Variants in CCDC198 observed in about 807,000 individuals in gnomAD.
CCDC198 encodes coiled-coil domain containing 198.
A neutral mutation model predicts 35.6 loss-of-function variants in CCDC198; 18 were observed. The ratio of observed to expected loss-of-function variants is 0.51; its 90% CI spans 0.35 to 0.75. CCDC198 has a LOEUF of 0.75. CCDC198 is among the 30% of genes least tolerant of loss of function. The probability of loss-of-function intolerance (pLI) is 0.01; values close to 1 mark genes in which losing one functional copy is unlikely to be tolerated. For missense variants in CCDC198, 365 were observed against 343.7 expected (o/e 1.06, Z -0.49); for synonymous variants, 119 against 113.4 (o/e 1.05, Z -0.31).
rs565343981 is a variant in CCDC198 at position 57,471,054 on chromosome 14, A to G, written c.*301T>C. The G allele has an allele frequency of 1.1e-5, 3 of 279,734 alleles. No homozygotes were observed. In the South Asian group the frequency reaches 1.4e-4, roughly 13 times the overall value. 17.3% of individuals were successfully genotyped at this position (279,734 alleles called of 1,614,324 possible). A position where few individuals can be genotyped will look rare whatever the true frequency, so the allele number is the denominator to read the frequency against. ...GTAGTCCAAATGTAGTCCAATTTCAATGACATGAAAGATTTCAAAAGGGAA... is the reference window on the plus strand; with the variant it reads ...GTAGTCCAAATGTAGTCCAATTTCAGTGACATGAAAGATTTCAAAAGGGAA... On this transcript the variant is annotated 3_prime_UTR_variant, in exon 6 of 6. Transcript: ENST00000216445.
intron 2 of CCDC198, among the ~76,000 whole-genome samples, chr14:57,485,276 A>T (rs2067321274): frequency 6.6e-6 from 1 of 152,106 alleles, no homozygotes; most frequent in African/African-American, 2.4e-5. Context: ...GAGTGAGAAG[A>T]GAAGAGCCAA....
chr14:57,488,127 A>G (rs531670662), intron 2 of CCDC198, among the ~76,000 whole-genome samples: 15 of 152,206 alleles, frequency 9.9e-5, no homozygotes, highest in Non-Finnish European at 2.1e-4. Flanking sequence ...ACTGTAAGAT[A>G]CAAGCTCAGG....
intron 5 of CCDC198, chr14:57,475,784 G>A (rs1274698874): frequency 5.9e-5 from 12 of 204,118 alleles, no homozygotes; most frequent in Non-Finnish European, 1.0e-4. Context: ...ACGGCACTTA[G>A]CTTCTTTTTT....
intron 5 of CCDC198, among the ~76,000 whole-genome samples, chr14:57,479,205 G>T (rs879126155): frequency 2.0e-5 from 3 of 152,262 alleles, no homozygotes; most frequent in South Asian, 4.1e-4. Flanking sequence ...AGCTAGAAAG[G>T]CTAGGTAGGC....
intron 2 of CCDC198, among the ~76,000 whole-genome samples, chr14:57,488,508 A>G (rs187603948): frequency 2.8e-4 from 43 of 152,162 alleles, no homozygotes; most frequent in Admixed American, 6.6e-4. Context: ...TTACTCATTC[A>G]TTTTACTCAC....
chr14:57,479,085 T>G, intron 5 of CCDC198: 1 of 1,174,922 alleles, frequency 8.5e-7, no homozygotes, highest in Admixed American at 2.3e-5. Context: ...CAATGTAGCG[T>G]AGAAGTTGTA....
intron 2 of CCDC198, among the ~76,000 whole-genome samples, chr14:57,488,986 G>A (rs1246683708): frequency 6.6e-6 from 1 of 152,034 alleles, no homozygotes; most frequent in Non-Finnish European, 1.5e-5. Flanking sequence ...AGACCTAGAG[G>A]CAGAAATACC....
At chr14:57,490,939 T>G in intron 2 of CCDC198, 50 bp downstream of exon 2, 1 of 1,428,072 alleles carries the variant, frequency 7.0e-7, no homozygotes, top group African/African-American at 1.4e-5. Flanking sequence ...AAAGGGATGT[T>G]ACCATTTTAT....
intron 1 of CCDC198, among the ~76,000 whole-genome samples, chr14:57,493,186 G>A (rs1000708732): frequency 5.3e-5 from 8 of 152,096 alleles, no homozygotes; most frequent in African/African-American, 1.9e-4. Flanking sequence ...TAATTTTAAT[G>A]GTCTGGCAAA....
In CCDC198 at chr14:57,483,199, T is replaced by C. The variant is rs372451421; in HGVS notation, c.307-48A>G. On this transcript the variant is annotated intron_variant, in intron 2 of 5. Transcript: ENST00000216445. The stretch of plus-strand genomic sequence containing the variant: ...AGTCAGCATTCCTCATGCCATGAGA[T>C]GATGAAACAGAAAAGCCAGACATTA... The C allele has an allele frequency of 7.4e-6, 12 of 1,613,174 alleles. No individual in the cohort carries two copies. In the African/African-American group the frequency reaches 1.3e-4, roughly 18 times the overall value.
intron 1 of CCDC198, among the ~76,000 whole-genome samples, chr14:57,493,202 G>T (rs1184557876): frequency 6.6e-6 from 1 of 152,042 alleles, no homozygotes; most frequent in African/African-American, 2.4e-5. Flanking sequence ...GCAAAACTAG[G>T]TATAAACATT....
chr14:57,481,788 G>A (rs531117734), intron 3 of CCDC198, 128 bp from the exon 4 acceptor site: 112 of 598,568 alleles, frequency 1.9e-4, no homozygotes, highest in Middle Eastern at 4.5e-4. Context: ...ATCTTGTGAT[G>A]ACAAAAGTGG....
chr14:57,482,429 G>C (rs528507104), intron 3 of CCDC198, among the ~76,000 whole-genome samples: 1 of 152,288 alleles, frequency 6.6e-6, no homozygotes, highest in East Asian at 1.9e-4. Context: ...GGATGTGACA[G>C]CACCTGGACA....
At chr14:57,492,244 T>TGA (rs1160762899) in intron 1 of CCDC198, among the ~76,000 whole-genome samples, 9 of 151,952 alleles carry the variant, frequency 5.9e-5, no homozygotes, top group African/African-American at 2.2e-4. Flanking sequence ...GGAGCTGGGG[T>TGA]GAGAATATGG....
chr14:57,478,998 T>A, intron 5 of CCDC198: 1 of 1,289,320 alleles, frequency 7.8e-7, no homozygotes, highest in Non-Finnish European at 1.0e-6. Context: ...GTGTGAACAA[T>A]ATTGGAAATT....
chr14:57,472,361 C>A (rs1264437077), intron 5 of CCDC198, among the ~76,000 whole-genome samples: 1 of 152,036 alleles, frequency 6.6e-6, no homozygotes, highest in Non-Finnish European at 1.5e-5. Context: ...TAATGTAATG[C>A]TGACATTTTA....
intron 3 of CCDC198, 21 bp from the exon 4 acceptor site, chr14:57,481,681 G>T: frequency 1.4e-6 from 2 of 1,446,416 alleles, no homozygotes; most frequent in Non-Finnish European, 1.9e-6. Context: ...CAACACACTT[G>T]TTAGTATGGG....
At chr14:57,473,910 C>T (rs1257638513) in intron 5 of CCDC198, among the ~76,000 whole-genome samples, 1 of 152,164 alleles carries the variant, frequency 6.6e-6, no homozygotes, top group African/African-American at 2.4e-5. Flanking sequence ...GTGTTCCTTC[C>T]CACTGCAGGA....
At chr14:57,473,077 TAA>T (rs752267066) in intron 5 of CCDC198, among the ~76,000 whole-genome samples, 1 of 152,230 alleles carries the variant, frequency 6.6e-6, no homozygotes, top group Non-Finnish European at 1.5e-5. Flanking sequence ...TTTATTGAAC[TAA>T]GATTGACATA....
Sources: gnomAD v4.1 joint callset for allele counts (sites outside exome capture counted in the v4.1 genomes callset) on GRCh38, gnomAD v4.1.1 for gene constraint, MANE v1.5 for transcripts, NCBI Gene and HGNC (gene_info 2026-07-23, HGNC 2026-07-21) for gene names.